KAT6A: variants seen among roughly 807,000 people sequenced by gnomAD.
KAT6A encodes the protein lysine acetyltransferase 6A.
KAT6A carries 9 observed loss-of-function variants against 198.4 expected under a neutral mutation model. That is an observed-to-expected ratio of 0.05 (90% CI 0.03 to 0.08). KAT6A has a LOEUF of 0.08. Ranked by LOEUF, KAT6A falls within the 10% of genes least tolerant of loss-of-function variation. The pLI is 1.00. For synonymous variants in KAT6A, 890 were observed against 883.0 expected, an observed-to-expected ratio of 1.01 and a Z score of -0.14; for missense variants, 2,077 against 2,509.9, an observed-to-expected ratio of 0.83 and a Z score of 3.69.
chr8:41,934,795 G>T lies in KAT6A; in HGVS notation c.3425C>A (p.Thr1142Lys). 6.2e-7 allele frequency: 1 copy of T among 1,613,924 alleles called. No individual in the cohort carries two copies. Among genetic ancestry groups the T allele is most frequent in the Non-Finnish European group, 8.5e-7 (1 of 1,179,996 alleles). ...CTTTTTCTTTTTCAAAGGTGTGGAT[G>T]TATCTGGCTCAAGAGGAGAATTCTT... ...DVKNSPLEPDTSTPLKKKKGW... is the reference protein window; with the variant it reads ...DVKNSPLEPDKSTPLKKKKGW... Residue 1142 changes from threonine to lysine, a missense_variant, in exon 17 of 17, where the codon ACA (threonine) becomes AAA (lysine). By Grantham distance (78) the Thr-to-Lys change is moderately conservative. This residue lies in a region of KAT6A where 375 missense variants were observed against 383.0 expected (regional missense o/e 0.98). Coordinates refer to ENST00000265713, the MANE Select transcript of KAT6A (RefSeq NM_006766.5).
At chr8:42,047,895 T>C (rs914252067) in intron 2 of KAT6A, among the ~76,000 whole-genome samples, 8 of 152,096 alleles carry the variant, frequency 5.3e-5, no homozygotes, top group African/African-American at 1.9e-4. Flanking sequence ...AGAATCTGTC[T>C]CATTTCTGTC....
At chr8:41,974,521 C>A in intron 8 of KAT6A, 183 bp downstream of exon 8, 1 of 425,982 alleles carries the variant, frequency 2.3e-6, no homozygotes, top group Non-Finnish European at 4.2e-6. Context: ...TCTGCAAAAC[C>A]AAAGCAGTTA....
chr8:41,978,698 C>T lies in KAT6A; in HGVS notation c.987G>A (p.Arg329=). 1 of 1,614,052 alleles carries T rather than the reference C, an allele frequency of 6.2e-7. No homozygotes were observed. The change falls in exon 6 of 17, where the codon CGG becomes CGA. Residue 329 remains arginine, a synonymous_variant. Transcript: ENST00000265713. ...LLQKKAAQIK[R]RYTNPIGRPK... ...GACGTCCTATTGGATTAGTATAGCG[C>T]CGTTTTATCTGTGCTGCCTTCTTTT...
chr8:41,964,363 C>G (rs962002416), intron 8 of KAT6A, among the ~76,000 whole-genome samples: 3 of 151,990 alleles, frequency 2.0e-5, no homozygotes, highest in Admixed American at 2.0e-4. Flanking sequence ...GCTTTAATTA[C>G]TTGTTTATTC....
intron 2 of KAT6A, among the ~76,000 whole-genome samples, chr8:41,995,927 T>C (rs1197107589): frequency 6.6e-6 from 1 of 152,100 alleles, no homozygotes; most frequent in East Asian, 1.9e-4. Context: ...TCACCCACCT[T>C]GGCCTCCCAG....
chr8:41,934,871 T>C lies in KAT6A; in HGVS notation c.3353-4A>G, dbSNP rs762302738. ...ACTGGCTTTAAGATAGGAGTGTCTA[T>C]ACAGGAAGGAAAAAAAACAAAGACA... On this transcript the variant is annotated splice_region_variant and splice_polypyrimidine_tract_variant and intron_variant, in intron 16 of 16. Coordinates refer to ENST00000265713, the MANE Select transcript of KAT6A (RefSeq NM_006766.5). 1.9e-6 allele frequency: 3 copies of C among 1,575,588 alleles called. No homozygotes were observed. Among genetic ancestry groups the C allele is most frequent in the South Asian group, 1.2e-5 (1 of 84,620 alleles).
At chr8:42,005,651 GA>G (rs1474799054) in intron 2 of KAT6A, among the ~76,000 whole-genome samples, 1 of 152,150 alleles carries the variant, frequency 6.6e-6, no homozygotes, top group Non-Finnish European at 1.5e-5. Flanking sequence ...GAAGGAGGGG[GA>G]AGAGGAGAAA....
At chr8:41,976,975 C>T (rs771783436) in intron 7 of KAT6A, 33 bp downstream of exon 7, 90 of 1,485,382 alleles carry the variant, frequency 6.1e-5, no homozygotes, top group Non-Finnish European at 7.5e-5. Flanking sequence ...GTACAGAATA[C>T]TATTTGTTTC....
chr8:41,969,914 C>A (rs907822146), intron 8 of KAT6A, among the ~76,000 whole-genome samples: 2 of 152,174 alleles, frequency 1.3e-5, no homozygotes, highest in Admixed American at 6.5e-5. Context: ...CTTTACTCTG[C>A]TGACTTTTGA....
intron 2 of KAT6A, among the ~76,000 whole-genome samples, chr8:42,031,285 G>A (rs1827110718): frequency 1.3e-5 from 2 of 152,092 alleles, no homozygotes; most frequent in African/African-American, 4.8e-5. Flanking sequence ...AATATTATAT[G>A]GGTAATACAA....
rs374802138 is a variant in KAT6A at position 41,941,012 on chromosome 8, C to G, written c.2869G>C (p.Ala957Pro). The G allele has an allele frequency of 1.2e-6, 2 of 1,614,184 alleles. No individual in the cohort carries two copies. Among genetic ancestry groups the G allele is most frequent in the Admixed American group, 1.7e-5 (1 of 60,024 alleles). Residue 957 changes from alanine to proline, a missense_variant, in exon 15 of 17, where the codon GCT (alanine) becomes CCT (proline). By Grantham distance (27) the Ala-to-Pro change is conservative. Transcript: ENST00000265713. ...WRGQLKKSPE[A>P]LKCRLTEGSE... ...CCTTCTGTTAATCTGCACTTCAGAG[C>G]CTCAGGGCTTTTCTTGAGCTGTCCT...
chr8:42,051,770 G>A (rs987494319), intron 1 of KAT6A, 131 bp downstream of exon 1: 2 of 146,424 alleles, frequency 1.4e-5, no homozygotes, highest in African/African-American at 2.5e-5. Flanking sequence ...AGAGCAGCGG[G>A]AGGCGGCGCA....
chr8:41,965,138 C>T (rs1823403745), intron 8 of KAT6A, among the ~76,000 whole-genome samples: 1 of 152,166 alleles, frequency 6.6e-6, no homozygotes, highest in Non-Finnish European at 1.5e-5. Flanking sequence ...TTTTTGATGG[C>T]ACTGTGTTAA....
intron 9 of KAT6A, among the ~76,000 whole-genome samples, chr8:41,952,771 G>C (rs372804303): frequency 6.6e-6 from 1 of 152,116 alleles, no homozygotes; most frequent in Non-Finnish European, 1.5e-5. Flanking sequence ...GAAAATGTAA[G>C]ATCTCCAAAC....
At chr8:41,942,469 C>A (rs896771843) in intron 14 of KAT6A, 6 of 330,968 alleles carry the variant, frequency 1.8e-5, no homozygotes, top group Non-Finnish European at 3.4e-5. Flanking sequence ...TAAAAACTGT[C>A]AGATTTGGAT....
At chr8:41,977,383 C>T in intron 6 of KAT6A, 56 bp from the exon 7 acceptor site, 1 of 1,219,584 alleles carries the variant, frequency 8.2e-7, no homozygotes, top group Non-Finnish European at 1.2e-6. Flanking sequence ...TGTAAGGTTC[C>T]TTTTTAATAC....
chr8:42,001,149 G>C (rs1169308494), intron 2 of KAT6A, among the ~76,000 whole-genome samples: 1 of 152,112 alleles, frequency 6.6e-6, no homozygotes, highest in Non-Finnish European at 1.5e-5. Flanking sequence ...ACTGACCAGA[G>C]GTTCTCTGCT....
intron 5 of KAT6A, 55 bp from the exon 6 acceptor site, chr8:41,978,832 G>A (rs926328818): frequency 6.5e-6 from 10 of 1,531,204 alleles, no homozygotes; most frequent in Middle Eastern, 1.7e-4. Context: ...TACACTGAAA[G>A]GTTTCAGATA....
chr8:41,963,214 AAAT>A (rs1823295017), intron 8 of KAT6A, among the ~76,000 whole-genome samples: 1 of 152,226 alleles, frequency 6.6e-6, no homozygotes, highest in African/African-American at 2.4e-5. Flanking sequence ...ATTATTAGAT[AAAT>A]ATTATCTTTG....
Sources: gnomAD v4.1 joint callset for allele counts (sites outside exome capture counted in the v4.1 genomes callset) on GRCh38, gnomAD v4.1.1 for gene constraint, gnomAD v4.1.1 regional missense constraint, MANE v1.5 for transcripts, NCBI Gene and HGNC (gene_info 2026-07-23, HGNC 2026-07-21) for gene names.